ERC1: variants seen among roughly 807,000 people sequenced by gnomAD.
The protein encoded by ERC1 is RAB6 interacting protein 2.
In ERC1, 56 loss-of-function variants were observed where a neutral mutation model predicts 132.0. The ratio of observed to expected loss-of-function variants is 0.42; its 90% CI spans 0.34 to 0.53. ERC1 has a LOEUF of 0.53. ERC1 is among the 20% of genes least tolerant of loss of function. The pLI is 0.03. For missense variants in ERC1, 1,202 were observed against 1,349.9 expected (o/e 0.89, Z 1.72); for synonymous variants, 478 against 476.1 (o/e 1.00, Z -0.05).
chr12:1,302,808 A>G (rs1377090302), intron 15 of ERC1, among the ~76,000 whole-genome samples: 1 of 151,974 alleles, frequency 6.6e-6, no homozygotes, highest in East Asian at 1.9e-4. Context: ...CAAAAAAAGA[A>G]AATAAATAGC....
intron 18 of ERC1, among the ~76,000 whole-genome samples, chr12:1,451,712 T>A (rs2093428568): frequency 6.6e-6 from 1 of 152,250 alleles, no homozygotes; most frequent in Non-Finnish European, 1.5e-5. Flanking sequence ...TAATTAATTC[T>A]ATGTTTTATT....
At chr12:1,273,304 T>A (rs1027129052) in intron 14 of ERC1, among the ~76,000 whole-genome samples, 6 of 152,234 alleles carry the variant, frequency 3.9e-5, no homozygotes, top group Non-Finnish European at 8.8e-5. Flanking sequence ...TCCTATGTAC[T>A]GCAAATACCT....
intron 18 of ERC1, among the ~76,000 whole-genome samples, chr12:1,480,191 A>T (rs915560830): frequency 3.3e-5 from 5 of 151,942 alleles, no homozygotes; most frequent in African/African-American, 1.2e-4. Context: ...AGGTGCTGAG[A>T]TATGAGACTT....
At chr12:1,302,640 T>G (rs1324798222) in intron 15 of ERC1, among the ~76,000 whole-genome samples, 1 of 152,134 alleles carries the variant, frequency 6.6e-6, no homozygotes, top group Non-Finnish European at 1.5e-5. Flanking sequence ...ATAAGGCGAG[T>G]CACGCAAATT....
intron 15 of ERC1, among the ~76,000 whole-genome samples, chr12:1,337,539 A>G (rs1213525143): frequency 6.6e-6 from 1 of 152,152 alleles, no homozygotes; most frequent in African/African-American, 2.4e-5. Flanking sequence ...GCCCATTTAC[A>G]TTCAAGGTTT....
At chr12:1,041,949 A>G (rs1230951861) in intron 2 of ERC1, among the ~76,000 whole-genome samples, 4 of 151,986 alleles carry the variant, frequency 2.6e-5, no homozygotes, top group South Asian at 2.1e-4. Flanking sequence ...GGGTGTTGCC[A>G]TGGTGGCCAG....
rs553263646 is a variant in ERC1 at position 1,396,531 on chromosome 12, T to C, written c.2926-11618T>C. 3.3e-5 allele frequency among the ~76,000 whole-genome samples: 5 copies of C among 152,336 alleles called. No individual in the cohort carries two copies. The South Asian group carries it at 6.2e-4, about 19-fold the overall frequency. Reference sequence around the variant, plus strand: ...CTCAAATCTATTGGAAGAAAAGATATGTAAACAGATGATTAGAATCTGTTT... The same window carrying C: ...CTCAAATCTATTGGAAGAAAAGATACGTAAACAGATGATTAGAATCTGTTT... On this transcript the variant is annotated intron_variant, in intron 16 of 18. Transcript: ENST00000360905.
At chr12:1,079,031 A>G (rs1056660283) in intron 2 of ERC1, among the ~76,000 whole-genome samples, 9 of 152,098 alleles carry the variant, frequency 5.9e-5, no homozygotes, top group African/African-American at 2.2e-4. Flanking sequence ...AGATACAGAT[A>G]GAAATGATTT....
Position 1,027,935 on chromosome 12 carries a change from T to C in ERC1, c.32T>C (p.Val11Ala). The change falls in exon 2 of 19, where the codon GTG (valine) becomes GCG (alanine). Residue 11 changes from valine to alanine, a missense_variant. Transcript: ENST00000360905. The stretch of plus-strand genomic sequence containing the variant: ...GGAAGTGCCCGCTCTGTTGGGAAGG[T>C]GGAGCCGAGCAGCCAGAGCCCTGGG... MYGSARSVGK[V>A]EPSSQSPGRS... The C allele has an allele frequency of 1.2e-6, 2 of 1,611,678 alleles. No individual in the cohort carries two copies.
At chr12:1,143,941 C>T (rs1950098865) in intron 8 of ERC1, among the ~76,000 whole-genome samples, 1 of 152,054 alleles carries the variant, frequency 6.6e-6, no homozygotes. Context: ...AGTCATCATA[C>T]TGAATTCTCT....
intron 8 of ERC1, chr12:1,153,138 A>G (rs912764838): frequency 3.3e-5 from 5 of 152,162 alleles, no homozygotes; most frequent in African/African-American, 4.8e-5. Flanking sequence ...TCCATTTCCT[A>G]CTTCTGGGAA....
chr12:1,016,217 T>C (rs1237086448), intron 1 of ERC1, among the ~76,000 whole-genome samples: 2 of 152,244 alleles, frequency 1.3e-5, no homozygotes, highest in African/African-American at 4.8e-5. Context: ...ATTATTTAAA[T>C]AGCTAATGGG....
intron 12 of ERC1, chr12:1,204,184 C>A: frequency 3.9e-6 from 1 of 254,100 alleles, no homozygotes; most frequent in Non-Finnish European, 7.6e-6. Flanking sequence ...GATGGCTAAC[C>A]TTCTCTATTT....
At chr12:1,411,280 A>C (rs73026488) in intron 17 of ERC1, among the ~76,000 whole-genome samples, 8,212 of 152,258 alleles carry the variant, frequency 0.054, 303 homozygotes, top group African/African-American at 0.094. Context: ...TATGATTAAT[A>C]AGTTCACACA....
rs1304642303 is a variant in ERC1 at position 1,196,382 on chromosome 12, A to T, written c.2351+6330A>T. Among the ~76,000 whole-genome samples the T allele has an allele frequency of 2.0e-5, 3 of 152,152 alleles. No individual in the cohort carries two copies. The East Asian group carries it at 5.8e-4, about 29-fold the overall frequency. On this transcript the variant is annotated intron_variant, in intron 12 of 18. Coordinates refer to ENST00000360905, the MANE Select transcript of ERC1 (RefSeq NM_178040.4). The stretch of plus-strand genomic sequence containing the variant: ...GGGATGTATTTTGAATCTAAGGAAG[A>T]TACCCAAAAATTTTAATGCAGTTTG...
intron 15 of ERC1, among the ~76,000 whole-genome samples, chr12:1,369,789 G>A (rs139032269): frequency 1.9e-4 from 29 of 152,228 alleles, no homozygotes; most frequent in African/African-American, 6.5e-4. Flanking sequence ...TTAGAATTAC[G>A]TAGTGTGGGG....
intron 18 of ERC1, among the ~76,000 whole-genome samples, chr12:1,466,105 C>A (rs1349155691): frequency 1.3e-5 from 2 of 152,184 alleles, no homozygotes; most frequent in Non-Finnish European, 2.9e-5. Context: ...GACACCGTAA[C>A]AAAATACCAC....
chr12:1,300,354 T>C (rs890851851), intron 15 of ERC1, among the ~76,000 whole-genome samples: 2 of 152,034 alleles, frequency 1.3e-5, no homozygotes, highest in East Asian at 1.9e-4. Flanking sequence ...AACCCAAAAC[T>C]ATAAAAACCC....
intron 2 of ERC1, among the ~76,000 whole-genome samples, chr12:1,041,996 G>A (rs1400167859): frequency 6.6e-6 from 1 of 151,966 alleles, no homozygotes; most frequent in African/African-American, 2.4e-5. Flanking sequence ...TGATCCACCC[G>A]CCTTGGCCTC....
Sources: gnomAD v4.1 joint callset for allele counts (sites outside exome capture counted in the v4.1 genomes callset) on GRCh38, gnomAD v4.1.1 for gene constraint, MANE v1.5 for transcripts, NCBI Gene and HGNC (gene_info 2026-07-23, HGNC 2026-07-21) for gene names.